Variants in ESF1 observed in about 807,000 individuals in gnomAD.
ESF1 encodes ESF1 nucleolar pre-rRNA processing protein.
ESF1 carries 58 observed loss-of-function variants against 92.0 expected under a neutral mutation model. That is an observed-to-expected ratio of 0.63 (90% CI 0.51 to 0.78). The LOEUF (loss-of-function observed/expected upper bound fraction) is 0.78, where lower values mean the gene tolerates loss of function less well. Among genes scored for constraint, ESF1 ranks in the 30% least tolerant of loss-of-function variants. The pLI is 0.00. For missense variants in ESF1, 922 were observed against 989.1 expected (o/e 0.93, Z 0.91); for synonymous variants, 321 against 313.7 (o/e 1.02, Z -0.24).
At chr20:13,774,682 C>T (rs1182657209) in intron 4 of ESF1, among the ~76,000 whole-genome samples, 3 of 152,154 alleles carry the variant, frequency 2.0e-5, no homozygotes, top group African/African-American at 7.2e-5. Context: ...AGCCTGGATT[C>T]TTAATTATTA....
intron 13 of ESF1, among the ~76,000 whole-genome samples, chr20:13,716,708 A>G (rs1360510903): frequency 7.2e-6 from 1 of 138,652 alleles, no homozygotes; most frequent in Non-Finnish European, 1.5e-5. Context: ...TGCCACAATC[A>G]TGGCTCACTG....
chr20:13,783,255 A>G, intron 1 of ESF1, 72 bp from the exon 2 acceptor site: 2 of 1,095,782 alleles, frequency 1.8e-6, no homozygotes. Context: ...AAACACATTC[A>G]CAATATATTC....
At chr20:13,773,626 T>C (rs1388214021) in intron 4 of ESF1, among the ~76,000 whole-genome samples, 1 of 152,194 alleles carries the variant, frequency 6.6e-6, no homozygotes, top group Non-Finnish European at 1.5e-5. Flanking sequence ...GAACTCTTTC[T>C]ATCTATTCTG....
chr20:13,718,997 A>C lies in ESF1; in HGVS notation c.2039-13T>G. 6.3e-7 allele frequency: 1 copy of C among 1,592,772 alleles called. No homozygotes were observed. Reference sequence around the variant, plus strand: ...TTTTTATTTATACCTGGCACAACAAACCAACATAAGAGTGGTAAAAATTAC... The same window carrying C: ...TTTTTATTTATACCTGGCACAACAACCCAACATAAGAGTGGTAAAAATTAC... On this transcript the variant is annotated splice_polypyrimidine_tract_variant and intron_variant, in intron 11 of 13. Coordinates refer to ENST00000617257, the MANE Select transcript of ESF1 (RefSeq NM_001276380.2).
At chr20:13,716,363 C>T (rs2049824970) in intron 13 of ESF1, among the ~76,000 whole-genome samples, 1 of 152,194 alleles carries the variant, frequency 6.6e-6, no homozygotes, top group Non-Finnish European at 1.5e-5. Context: ...GCTTACTGCG[C>T]TGGCCACTGC....
rs1212959334 is a variant in ESF1 at position 13,782,961 on chromosome 20, A to G, written c.180T>C (p.Ile60=). 6.2e-7 allele frequency: 1 copy of G among 1,614,038 alleles called. No individual in the cohort carries two copies. The highest frequency in any genetic ancestry group is 1.3e-5 in the African/African-American group (1 of 74,916). ...NYAVDKRGRP[I]SHSTTEDLKR... ...TCAAATCCTCTGTAGTGCTATGGCT[A>G]ATGGGGCGCCCTCTTTTATCCACGG... The change falls in exon 2 of 14, where the codon ATT becomes ATC. Residue 60 remains isoleucine (I), a synonymous_variant. Coordinates refer to ENST00000617257, the MANE Select transcript of ESF1 (RefSeq NM_001276380.2).
chr20:13,717,518 TAG>T lies in ESF1; in HGVS notation c.2116-6_2116-5del. 1 of 1,612,656 alleles carries T rather than the reference TAG, an allele frequency of 6.2e-7. No individual in the cohort carries two copies. The highest frequency in any genetic ancestry group is 8.5e-7 in the Non-Finnish European group (1 of 1,179,776). ...TCATAAGCAAAGCCATTTCAGCCTG[TAG>T]AGAGCAAAAAAAAGTTCAAATGTAC... is the stretch of plus-strand genomic sequence containing the variant. On this transcript the variant is annotated splice_polypyrimidine_tract_variant and splice_region_variant and intron_variant, in intron 12 of 13. Transcript: ENST00000617257.
At chr20:13,753,425 A>G (rs1317532404) in intron 9 of ESF1, among the ~76,000 whole-genome samples, 5 of 149,404 alleles carry the variant, frequency 3.3e-5, no homozygotes, top group South Asian at 2.2e-4. Flanking sequence ...TCTGAATATC[A>G]TATTTTCAGG....
intron 8 of ESF1, among the ~76,000 whole-genome samples, chr20:13,760,961 CTG>C (rs1380892393): frequency 6.6e-6 from 1 of 152,170 alleles, no homozygotes; most frequent in Non-Finnish European, 1.5e-5. Flanking sequence ...GGGGAAAAGA[CTG>C]AGAAATCGGA....
At chr20:13,748,758 T>A (rs1978453589) in intron 9 of ESF1, among the ~76,000 whole-genome samples, 1 of 151,226 alleles carries the variant, frequency 6.6e-6, no homozygotes, top group African/African-American at 2.4e-5. Flanking sequence ...GCTAATTTTT[T>A]TTGTATTTTT....
chr20:13,783,130 T>A lies in ESF1; in HGVS notation c.11A>T (p.Lys4Ile). The A allele has an allele frequency of 6.3e-7, 1 of 1,595,150 alleles. No individual in the cohort carries two copies. The highest frequency in any genetic ancestry group is 8.6e-7 in the Non-Finnish European group (1 of 1,167,704). ...CCGCTGGTCACTCATTATTTCTTGT[T>A]TGGATGACATTTTTAATTCTTAATC... MSS[K>I]QEIMSDQRFR... is the part of the protein sequence containing the mutation. Residue 4 changes from lysine (K) to isoleucine (I), a missense_variant, in exon 2 of 14, where the codon AAA (lysine) becomes ATA (isoleucine). Lys to Ile is a moderately radical substitution (Grantham distance 102). Transcript: ENST00000617257.
chr20:13,772,605 G>C lies in ESF1; in HGVS notation c.1160C>G (p.Ser387Ter). Reference sequence around the variant, plus strand: ...CTTCATCCTCTCCTTTCCAAATTCTGAAGGATATATCTAAACAGAAAAAAA... The same window carrying C: ...CTTCATCCTCTCCTTTCCAAATTCTCAAGGATATATCTAAACAGAAAAAAA... ...GVIFSVKIYP[S>*]EFGKERMKEE... The change falls in exon 5 of 14, where the codon TCA becomes TGA. Residue 387 changes from serine (S) to a stop codon, truncating the protein, a stop_gained. Transcript: ENST00000617257. LOFTEE classifies it high-confidence loss of function. 1 of 1,608,520 alleles carries C rather than the reference G, an allele frequency of 6.2e-7. No individual in the cohort carries two copies. Among genetic ancestry groups the C allele is most frequent in the Non-Finnish European group, 8.5e-7 (1 of 1,176,100 alleles).
rs771269453 is a variant in ESF1 at position 13,766,852 on chromosome 20, G to T, written c.1591C>A (p.Leu531Ile). 6.2e-7 allele frequency: 1 copy of T among 1,613,736 alleles called. No homozygotes were observed. Among genetic ancestry groups the T allele is most frequent in the Non-Finnish European group, 8.5e-7 (1 of 1,179,878 alleles). The change falls in exon 8 of 14, where the codon CTT becomes ATT. Residue 531 changes from leucine to isoleucine, a missense_variant. By Grantham distance (5) the Leu-to-Ile change is conservative. Coordinates refer to ENST00000617257, the MANE Select transcript of ESF1 (RefSeq NM_001276380.2). Reference protein sequence around the residue: ...MLNRKFKKEELLDMDFQAYLA... With the variant: ...MLNRKFKKEEILDMDFQAYLA... The stretch of plus-strand genomic sequence containing the variant: ...TAGGCTTGAAAATCCATGTCCAAAA[G>T]CTCTTCCTTTTTAAACTTCCTGTTG...
intron 9 of ESF1, 92 bp downstream of exon 9, chr20:13,759,600 C>G: frequency 3.4e-6 from 5 of 1,489,204 alleles, no homozygotes; most frequent in Non-Finnish European, 2.7e-6. Flanking sequence ...TGTTAAGGTC[C>G]TCACCAAAAC....
At chr20:13,774,901 T>C (rs886280162) in intron 4 of ESF1, among the ~76,000 whole-genome samples, 1 of 152,176 alleles carries the variant, frequency 6.6e-6, no homozygotes, top group Non-Finnish European at 1.5e-5. Context: ...ACACTTCTTA[T>C]ATGCTGTCCC....
chr20:13,749,933 T>C (rs1008273773), intron 9 of ESF1, among the ~76,000 whole-genome samples: 2 of 152,076 alleles, frequency 1.3e-5, no homozygotes, highest in Admixed American at 6.5e-5. Context: ...AAAGATTAAA[T>C]TGAGGAAGGA....
chr20:13,777,479 A>G (rs1350510087), intron 2 of ESF1, among the ~76,000 whole-genome samples: 2 of 152,252 alleles, frequency 1.3e-5, no homozygotes, highest in Non-Finnish European at 2.9e-5. Context: ...ATCAATAATA[A>G]GAGTGTACAG....
At chr20:13,768,591 C>CA (rs71790330) in intron 7 of ESF1, among the ~76,000 whole-genome samples, 23,585 of 142,926 alleles carry the variant, frequency 0.17, 2,329 homozygotes, top group East Asian at 0.44. Flanking sequence ...CCAAAAAAAG[C>CA]AAAAAAAAAG....
chr20:13,774,038 T>C (rs1306327667), intron 4 of ESF1, among the ~76,000 whole-genome samples: 2 of 151,200 alleles, frequency 1.3e-5, no homozygotes, highest in African/African-American at 2.4e-5. Context: ...GAGCTTGCAG[T>C]GAGCCGAGAT....
Sources: allele counts gnomAD v4.1 joint callset (sites outside exome capture counted in the v4.1 genomes callset), GRCh38; gene constraint gnomAD v4.1.1; transcripts MANE v1.5; gene names NCBI Gene and HGNC (gene_info 2026-07-23, HGNC 2026-07-21).